The following SAMSN1 variants were observed in gnomAD, a reference collection of about 807,000 sequenced individuals.
SAMSN1 encodes SAM domain-containing protein SAMSN-1.
SAMSN1 carries 31 observed loss-of-function variants against 42.0 expected under a neutral mutation model. The observed-to-expected ratio is 0.74, with a 90% confidence interval of 0.55 to 1.00. The LOEUF is 1.00. Among genes scored for constraint, SAMSN1 ranks in the 50% least tolerant of loss-of-function variants. The pLI, the probability that SAMSN1 is intolerant of heterozygous loss-of-function variation, is 0.00. For missense variants in SAMSN1, 464 were observed against 439.4 expected (o/e 1.06, Z -0.50); for synonymous variants, 178 against 151.9 (o/e 1.17, Z -1.26).
intron 2 of SAMSN1, among the ~76,000 whole-genome samples, chr21:14,625,383 A>G (rs1983139184): frequency 6.6e-6 from 1 of 152,164 alleles, no homozygotes; most frequent in African/African-American, 2.4e-5. Context: ...AAAGCCCCAT[A>G]GTCTCAGCCC....
At chr21:14,517,133 G>A in intron 2 of SAMSN1, 92 bp from the exon 3 acceptor site, 1 of 1,246,460 alleles carries the variant, frequency 8.0e-7, no homozygotes, top group African/African-American at 1.5e-5. Flanking sequence ...CTGAGTTTGT[G>A]GATTTTGCAT....
chr21:14,567,362 C>CA (rs1376126516), intron 2 of SAMSN1, among the ~76,000 whole-genome samples: 1 of 145,234 alleles, frequency 6.9e-6, no homozygotes, highest in Non-Finnish European at 1.5e-5. Flanking sequence ...ACATAAATAT[C>CA]AAAAAAAGAT....
intron 4 of SAMSN1, 64 bp from the exon 5 acceptor site, chr21:14,510,525 AC>A: frequency 1.3e-6 from 2 of 1,569,700 alleles, no homozygotes. Context: ...CATCATCTGG[AC>A]ACAACTAAGT....
intron 2 of SAMSN1, among the ~76,000 whole-genome samples, chr21:14,625,482 T>C (rs1280883671): frequency 6.6e-6 from 1 of 152,082 alleles, no homozygotes; most frequent in East Asian, 1.9e-4. Flanking sequence ...TATACACTAA[T>C]AACAGACAAA....
chr21:14,639,745 A>C (rs927880336), intron 2 of SAMSN1, among the ~76,000 whole-genome samples: 1 of 67,588 alleles, frequency 1.5e-5, no homozygotes, highest in African/African-American at 4.0e-5. Context: ...TTAGGCTAAT[A>C]TGTTAGTTTT....
At chr21:14,650,302 T>G (rs977980062) in intron 1 of SAMSN1, among the ~76,000 whole-genome samples, 1 of 152,100 alleles carries the variant, frequency 6.6e-6, no homozygotes, top group Non-Finnish European at 1.5e-5. Flanking sequence ...AAAAAAGTCT[T>G]AAAACATTAA....
chr21:14,554,413 TAACAAGC>T (rs777305505), intron 2 of SAMSN1, among the ~76,000 whole-genome samples: 3 of 152,158 alleles, frequency 2.0e-5, no homozygotes, highest in African/African-American at 4.8e-5. Flanking sequence ...CACTAGATAG[TAACAAGC>T]AAATACTTGG....
chr21:14,589,682 C>T (rs1982021023), intron 7 of SAMSN1, among the ~76,000 whole-genome samples: 1 of 151,982 alleles, frequency 6.6e-6, no homozygotes, highest in African/African-American at 2.4e-5. Flanking sequence ...TAACAAAATC[C>T]AGATTGCGTT....
intron 5 of SAMSN1, among the ~76,000 whole-genome samples, chr21:14,607,462 A>G (rs1314335700): frequency 6.6e-6 from 1 of 152,184 alleles, no homozygotes; most frequent in Non-Finnish European, 1.5e-5. Context: ...AACTCTTCCT[A>G]GCATGGCATT....
intron 6 of SAMSN1, chr21:14,601,994 A>G (rs1165883855): frequency 3.0e-6 from 2 of 669,902 alleles, no homozygotes; most frequent in Non-Finnish European, 5.6e-6. Flanking sequence ...ATTTTCACAA[A>G]ACACGCAAAT....
At chr21:14,527,432 C>G (rs1978936917) in intron 1 of SAMSN1, among the ~76,000 whole-genome samples, 1 of 152,186 alleles carries the variant, frequency 6.6e-6, no homozygotes, top group Admixed American at 6.5e-5. Context: ...ACAACTAGAG[C>G]TGTAAAGCCT....
intron 2 of SAMSN1, among the ~76,000 whole-genome samples, chr21:14,568,072 T>A (rs1405910081): frequency 6.6e-6 from 1 of 152,202 alleles, no homozygotes; most frequent in Non-Finnish European, 1.5e-5. Flanking sequence ...GAAATTCTGA[T>A]TGAGTAAGTC....
chr21:14,551,179 T>TG (rs1980583118), upstream of SAMSN1, among the ~76,000 whole-genome samples: 1 of 152,122 alleles, frequency 6.6e-6, no homozygotes, highest in African/African-American at 2.4e-5. Flanking sequence ...CTGGATATCT[T>TG]GGGAAGCCTC....
Position 14,512,538 on chromosome 21 carries a change from T to C in SAMSN1, c.315A>G (p.Arg105=). The change falls in exon 4 of 8, where the codon AGA becomes AGG. Residue 105 remains arginine (R), a synonymous_variant. Transcript: ENST00000400566. ...GGGTCCCAATCACAGGGTCACTGTT[T>C]CTATATGGGTGGGCATTCTCTCCAT... ...EEDGENAHPY[R]NSDPVIGTHT... is the part of the protein sequence containing the mutation. The C allele has an allele frequency of 1.2e-6, 2 of 1,613,996 alleles. No individual in the cohort carries two copies. Among genetic ancestry groups the C allele is most frequent in the Non-Finnish European group, 8.5e-7 (1 of 1,179,872 alleles).
At chr21:14,609,980 A>G (rs1191282552) in intron 4 of SAMSN1, among the ~76,000 whole-genome samples, 4 of 152,168 alleles carry the variant, frequency 2.6e-5, no homozygotes, top group Non-Finnish European at 4.4e-5. Context: ...GTGAGGATGT[A>G]TGTCGCCTCA....
intron 1 of SAMSN1, among the ~76,000 whole-genome samples, chr21:14,536,272 AT>A (rs1208156367): frequency 1.3e-5 from 2 of 152,232 alleles, no homozygotes; most frequent in Non-Finnish European, 1.5e-5. Flanking sequence ...TTTTGAAACT[AT>A]TTATCTCCAA....
At chr21:14,558,947 G>T (rs895555639) in intron 2 of SAMSN1, among the ~76,000 whole-genome samples, 1 of 152,046 alleles carries the variant, frequency 6.6e-6, no homozygotes, top group African/African-American at 2.4e-5. Flanking sequence ...CCTGATTCCA[G>T]GACTTCTAAT....
chr21:14,625,860 G>A (rs950067138), intron 2 of SAMSN1, among the ~76,000 whole-genome samples: 29 of 152,222 alleles, frequency 1.9e-4, no homozygotes, highest in East Asian at 9.6e-4. Flanking sequence ...GAGGCATCAC[G>A]CTACCTGACT....
At chr21:14,656,075 TAA>T (rs1179981634) in intron 1 of SAMSN1, among the ~76,000 whole-genome samples, 2 of 151,768 alleles carry the variant, frequency 1.3e-5, no homozygotes, top group African/African-American at 4.8e-5. Flanking sequence ...AAGAATTGAA[TAA>T]AGAGTTATCT....
Sources: gnomAD v4.1 joint callset for allele counts (sites outside exome capture counted in the v4.1 genomes callset) on GRCh38, gnomAD v4.1.1 for gene constraint, MANE v1.5 for transcripts, NCBI Gene and HGNC (gene_info 2026-07-23, HGNC 2026-07-21) for gene names.